The following ABCC3 variants were observed in gnomAD, a reference collection of about 807,000 sequenced individuals.
ABCC3 encodes the protein ATP binding cassette subfamily C member 3, also known as ATP-binding cassette sub-family C member 3.
In ABCC3, 121 loss-of-function variants were observed where a neutral mutation model predicts 165.3. The observed-to-expected ratio is 0.73, with a 90% confidence interval of 0.63 to 0.85. The LOEUF is 0.85. Ranked by LOEUF, ABCC3 falls within the 40% of genes least tolerant of loss-of-function variation. The probability of loss-of-function intolerance (pLI) is 0.00; values close to 1 mark genes in which losing one functional copy is unlikely to be tolerated. For missense variants in ABCC3, 1,869 were observed against 1,964.1 expected, an observed-to-expected ratio of 0.95 and a Z score of 0.92; for synonymous variants, 733 against 810.1, an observed-to-expected ratio of 0.90 and a Z score of 1.62.
At chr17:50,687,252 G>T in intron 29 of ABCC3, 1 of 439,128 alleles carries the variant, frequency 2.3e-6, no homozygotes, top group Middle Eastern at 6.0e-4. Context: ...TAGCTGAAAA[G>T]CAAGGATGGG....
intron 18 of ABCC3, 102 bp from the exon 19 acceptor site, chr17:50,673,367 C>G (rs1967689564): frequency 6.9e-7 from 1 of 1,458,340 alleles, no homozygotes; most frequent in Admixed American, 1.9e-5. Context: ...GTCCAAGCTC[C>G]CTGGCACATG....
chr17:50,663,831 T>C lies in ABCC3; in HGVS notation c.1149T>C (p.Thr383=), dbSNP rs780706547. 11 of 1,614,050 alleles carry C rather than the reference T, an allele frequency of 6.8e-6. No individual in the cohort carries two copies. Among genetic ancestry groups the C allele is most frequent in the Non-Finnish European group, 9.3e-6 (11 of 1,180,048 alleles). Residue 383 remains threonine, a synonymous_variant, in exon 9 of 31, where the codon ACT becomes ACC. Coordinates refer to ENST00000285238, the MANE Select transcript of ABCC3 (RefSeq NM_003786.4). ...YIFVTGVKFR[T]GIMGVIYRKA... ...TTGTGACTGGGGTGAAGTTTCGTACTGGGATCATGGGTGTCATCTACAGGA... is the reference window on the plus strand; with the variant it reads ...TTGTGACTGGGGTGAAGTTTCGTACCGGGATCATGGGTGTCATCTACAGGA...
In ABCC3 at chr17:50,669,357, C is replaced by A; in HGVS notation, c.2070C>A (p.Ser690=). Residue 690 remains serine, a synonymous_variant, in exon 17 of 31, where the codon TCC becomes TCA. Transcript: ENST00000285238. The stretch of plus-strand genomic sequence containing the variant: ...TAAATTTCTCCTGTGGCCAGGGCTC[C>A]GTGGCCTATGTGCCCCAGCAGGCAT... The part of the protein sequence containing the change: ...KLEGKVHMKG[S]VAYVPQQAWI... The A allele has an allele frequency of 6.2e-7, 1 of 1,614,240 alleles. No homozygotes were observed.
At position 50,691,388 on chromosome 17, in the gene ABCC3, A is replaced by C; in HGVS notation, c.*188A>C. 1.8e-6 allele frequency: 1 copy of C among 552,510 alleles called. No homozygotes were observed. The highest frequency in any genetic ancestry group is 3.3e-6 in the Non-Finnish European group (1 of 302,710). 34.2% of individuals were successfully genotyped at this position (552,510 alleles called of 1,614,324 possible). On this transcript the variant is annotated 3_prime_UTR_variant, in exon 31 of 31. Coordinates refer to ENST00000285238, the MANE Select transcript of ABCC3 (RefSeq NM_003786.4). ...TGAGGAAATGATCCCCAAGTGGTGA[A>C]TGACACGCCTAAGGTCACAGCTAGT... is the stretch of plus-strand genomic sequence containing the variant.
In ABCC3 at chr17:50,642,752, C is replaced by T. The variant is rs374410694; in HGVS notation, c.45+7771C>T. 2.1e-3 allele frequency among the ~76,000 whole-genome samples: 326 copies of T among 152,314 alleles called. 2 individuals carry two copies. Among genetic ancestry groups the T allele is most frequent in the African/African-American group, 7.3e-3 (304 of 41,578 alleles). On this transcript the variant is annotated intron_variant, in intron 1 of 30. Coordinates refer to ENST00000285238, the MANE Select transcript of ABCC3 (RefSeq NM_003786.4). ...GTTCTTCCTGTGGCCACTCCCCACC[C>T]GCCTTACAGAGCCATGCCACCGGCC...
At chr17:50,671,668 G>A (rs1277874482) in intron 17 of ABCC3, among the ~76,000 whole-genome samples, 2 of 148,774 alleles carry the variant, frequency 1.3e-5, no homozygotes, top group South Asian at 2.1e-4. Flanking sequence ...CAAGGGGACC[G>A]AGCATGCTAG....
intron 13 of ABCC3, 105 bp from the exon 14 acceptor site, chr17:50,668,325 C>A: frequency 3.2e-6 from 3 of 937,532 alleles, no homozygotes; most frequent in Non-Finnish European, 3.3e-6. Context: ...AGTGTCTGGG[C>A]CCTCAGGGGG....
intron 1 of ABCC3, chr17:50,635,924 T>C: frequency 4.3e-6 from 1 of 235,274 alleles, no homozygotes; most frequent in Non-Finnish European, 8.5e-6. Context: ...AAGCCTTTGG[T>C]GACTCTCACT....
chr17:50,691,395 G>A lies in ABCC3; in HGVS notation c.*195G>A, dbSNP rs1487794013. ...ATGATCCCCAAGTGGTGAATGACAC[G>A]CCTAAGGTCACAGCTAGTTTGAGCC... On this transcript the variant is annotated 3_prime_UTR_variant, in exon 31 of 31. Coordinates refer to ENST00000285238, the MANE Select transcript of ABCC3 (RefSeq NM_003786.4). 5 of 541,014 alleles carry A rather than the reference G, an allele frequency of 9.2e-6. No individual in the cohort carries two copies. Among genetic ancestry groups the A allele is most frequent in the Non-Finnish European group, 1.7e-5 (5 of 296,740 alleles). 33.5% of individuals were successfully genotyped at this position (541,014 alleles called of 1,614,324 possible).
At chr17:50,660,098 C>T (rs1307038109) in intron 7 of ABCC3, among the ~76,000 whole-genome samples, 1 of 152,154 alleles carries the variant, frequency 6.6e-6, no homozygotes, top group East Asian at 1.9e-4. Flanking sequence ...CCGGCTGGCC[C>T]CAGAGGTTCT....
At chr17:50,668,573 C>G in intron 14 of ABCC3, 56 bp downstream of exon 14, 1 of 1,400,954 alleles carries the variant, frequency 7.1e-7, no homozygotes. Flanking sequence ...AGAAAAACCT[C>G]TGTTTCAAGC....
At chr17:50,677,603 G>A (rs1967846206) in intron 23 of ABCC3, 141 bp from the exon 24 acceptor site, 3 of 805,914 alleles carry the variant, frequency 3.7e-6, no homozygotes, top group East Asian at 2.4e-5. Flanking sequence ...GGTCCTTGGA[G>A]GTGGGGGAAG....
chr17:50,673,758 C>A, intron 19 of ABCC3, 100 bp downstream of exon 19: 2 of 1,272,426 alleles, frequency 1.6e-6, no homozygotes, highest in African/African-American at 1.5e-5. Context: ...TTGTGCCAGG[C>A]AGGTTCTGGG....
intron 25 of ABCC3, among the ~76,000 whole-genome samples, chr17:50,678,437 A>G (rs940468796): frequency 6.6e-6 from 1 of 152,288 alleles, no homozygotes; most frequent in Non-Finnish European, 1.5e-5. Flanking sequence ...TCCTTCCCCA[A>G]GAAGCCCATG....
At chr17:50,652,318 A>G (rs999004717) in intron 1 of ABCC3, among the ~76,000 whole-genome samples, 9 of 152,246 alleles carry the variant, frequency 5.9e-5, no homozygotes, top group African/African-American at 2.2e-4. Context: ...ATCTGGATCC[A>G]AATTGTTCTT....
At chr17:50,658,058 A>G in intron 4 of ABCC3, 24 bp from the exon 5 acceptor site, 2 of 1,613,650 alleles carry the variant, frequency 1.2e-6, no homozygotes, top group Non-Finnish European at 1.7e-6. Context: ...AGTGCTTCTG[A>G]CGCCCCTCCA....
At chr17:50,645,360 C>T (rs1597839544) in intron 1 of ABCC3, among the ~76,000 whole-genome samples, 1 of 93,368 alleles carries the variant, frequency 1.1e-5, no homozygotes, top group African/African-American at 4.4e-5. Flanking sequence ...GGCGACAGAG[C>T]AAGATTCCAT....
chr17:50,676,890 G>A (rs555256955), intron 23 of ABCC3, among the ~76,000 whole-genome samples: 56 of 16,310 alleles, frequency 3.4e-3, no homozygotes, highest in African/African-American at 6.0e-3. Flanking sequence ...TTTTTTTGGG[G>A]GGGGGGGGAC....
At chr17:50,679,683 T>C (rs1967892696) in intron 25 of ABCC3, 115 bp from the exon 26 acceptor site, 1 of 985,130 alleles carries the variant, frequency 1.0e-6, no homozygotes, top group Non-Finnish European at 1.6e-6. Flanking sequence ...ACCTGGGTCA[T>C]CCATGGGCTA....
Sources: allele counts gnomAD v4.1 joint callset (sites outside exome capture counted in the v4.1 genomes callset), GRCh38; gene constraint gnomAD v4.1.1; transcripts MANE v1.5; gene names NCBI Gene and HGNC (gene_info 2026-07-23, HGNC 2026-07-21).